The following GALNT13 variants were observed in gnomAD, a reference collection of about 807,000 sequenced individuals.
GALNT13 encodes polypeptide N-acetylgalactosaminyltransferase 13, also known as UDP-GalNAc:polypeptide N-acetylgalactosaminyltransferase 13.
In GALNT13, 28 loss-of-function variants were observed where a neutral mutation model predicts 64.2. The observed-to-expected ratio is 0.44, with a 90% CI of 0.32 to 0.60. The LOEUF (loss-of-function observed/expected upper bound fraction) is 0.60, where lower values mean the gene tolerates loss of function less well. Among genes scored for constraint, GALNT13 ranks in the 20% least tolerant of loss-of-function variants. The pLI is 0.05. For synonymous variants in GALNT13, 214 were observed against 224.6 expected (o/e 0.95, Z 0.42); for missense variants, 577 against 669.8 (o/e 0.86, Z 1.53).
intron 3 of GALNT13, among the ~76,000 whole-genome samples, chr2:154,098,859 A>C (rs943579447): frequency 6.6e-6 from 1 of 152,082 alleles, no homozygotes; most frequent in Middle Eastern, 3.4e-3. Context: ...TGGTGTTGTG[A>C]GTAGCGCTGT....
At chr2:153,314,441 G>C in the GALNT13 span, among the ~76,000 whole-genome samples, 14 of 152,052 alleles carry the variant, frequency 9.2e-5, no homozygotes, top group African/African-American at 3.4e-4. Context: ...AGACCAAAAA[G>C]ACACCTATAG....
chr2:153,897,633 G>T (rs56937332), intron 1 of GALNT13, among the ~76,000 whole-genome samples: 15,602 of 151,958 alleles, frequency 0.1, 1,900 homozygotes, highest in East Asian at 0.62. Flanking sequence ...ACTTTCATGC[G>T]CTGGTGCTGA....
intron 9 of GALNT13, among the ~76,000 whole-genome samples, chr2:154,331,275 A>G (rs1335832891): frequency 6.6e-6 from 1 of 152,090 alleles, no homozygotes; most frequent in Non-Finnish European, 1.5e-5. Flanking sequence ...AAATCTATTC[A>G]GTAACTACAT....
the GALNT13 span, among the ~76,000 whole-genome samples, chr2:153,669,778 G>A: frequency 8.5e-5 from 13 of 152,298 alleles, no homozygotes; most frequent in African/African-American, 2.6e-4. Flanking sequence ...AAGGGAAGCC[G>A]TGAGTGACCG....
chr2:153,647,489 T>G, the GALNT13 span, among the ~76,000 whole-genome samples: 4 of 152,228 alleles, frequency 2.6e-5, no homozygotes, highest in Admixed American at 6.5e-5. Flanking sequence ...ATTTGTCAAT[T>G]TTGGCTTATG....
chr2:153,226,714 A>G, the GALNT13 span, among the ~76,000 whole-genome samples: 1 of 152,246 alleles, frequency 6.6e-6, no homozygotes, highest in Admixed American at 6.5e-5. Context: ...CTAAAGAGGC[A>G]TGATGACTAA....
At chr2:154,379,196 T>A (rs1698146960) in intron 9 of GALNT13, among the ~76,000 whole-genome samples, 1 of 152,098 alleles carries the variant, frequency 6.6e-6, no homozygotes, top group Non-Finnish European at 1.5e-5. Flanking sequence ...TGGTTAAAAA[T>A]TTTGTATTTT....
chr2:153,589,536 T>C, the GALNT13 span, among the ~76,000 whole-genome samples: 1 of 152,230 alleles, frequency 6.6e-6, no homozygotes, highest in Non-Finnish European at 1.5e-5. Flanking sequence ...ATTTACTTTA[T>C]TAGTCTGTTC....
chr2:154,399,483 T>C (rs1559134537), intron 10 of GALNT13, among the ~76,000 whole-genome samples: 1 of 152,082 alleles, frequency 6.6e-6, no homozygotes. Flanking sequence ...TGATATATCC[T>C]CACATGGACA....
chr2:153,297,578 G>T, the GALNT13 span, among the ~76,000 whole-genome samples: 2 of 152,172 alleles, frequency 1.3e-5, no homozygotes, highest in Admixed American at 1.3e-4. Context: ...CATTATATTT[G>T]TCTCTGAAAT....
At chr2:153,643,916 T>G in the GALNT13 span, among the ~76,000 whole-genome samples, 8 of 152,084 alleles carry the variant, frequency 5.3e-5, no homozygotes, top group Admixed American at 1.3e-4. Flanking sequence ...CAATGGAAAT[T>G]TTCTCAACTT....
At chr2:153,989,954 A>T (rs548045063) in intron 3 of GALNT13, among the ~76,000 whole-genome samples, 3 of 152,108 alleles carry the variant, frequency 2.0e-5, no homozygotes, top group Admixed American at 6.6e-5. Flanking sequence ...AACAAAACAA[A>T]AAAGGATCAA....
At chr2:153,630,783 A>T in the GALNT13 span, among the ~76,000 whole-genome samples, 24 of 9,484 alleles carry the variant, frequency 2.5e-3, no homozygotes, top group East Asian at 0.045. Context: ...ATATATATAT[A>T]TATATATATA....
chr2:153,327,751 C>T, the GALNT13 span, among the ~76,000 whole-genome samples: 2 of 152,074 alleles, frequency 1.3e-5, no homozygotes, highest in East Asian at 3.9e-4. Flanking sequence ...GTTCCTTTAG[C>T]TCGGAGGAGT....
At position 154,437,724 on chromosome 2, in the gene GALNT13, G is replaced by A. The variant is rs140353022; in HGVS notation, c.1396-868G>A. On this transcript the variant is annotated intron_variant, in intron 11 of 12. Coordinates refer to ENST00000392825, the MANE Select transcript of GALNT13 (RefSeq NM_052917.4). Reference sequence around the variant, plus strand: ...CAAAACATTAGGCCGGCATGGTGGCGCATGCCTGTAGTCCCAGCCACTCGG... The same window carrying A: ...CAAAACATTAGGCCGGCATGGTGGCACATGCCTGTAGTCCCAGCCACTCGG... 666 of 412,038 alleles carry A rather than the reference G, an allele frequency of 1.6e-3. 9 individuals are homozygous for A. The highest frequency in any genetic ancestry group is 0.012 in the African/African-American group (597 of 48,386). The allele number at this position is 412,038 out of a possible 1,614,324, so 25.5% of individuals were successfully genotyped here. A position where few individuals can be genotyped will look rare whatever the true frequency, so the allele number is the denominator to read the frequency against.
chr2:154,356,130 C>T (rs962488996), intron 9 of GALNT13, among the ~76,000 whole-genome samples: 1 of 151,976 alleles, frequency 6.6e-6, no homozygotes, highest in African/African-American at 2.4e-5. Flanking sequence ...TCAGAAGTGG[C>T]TTAAAATCTG....
At chr2:154,370,165 T>C (rs707040) in intron 9 of GALNT13, among the ~76,000 whole-genome samples, 61,862 of 151,808 alleles carry the variant, frequency 0.41, 12,853 homozygotes, top group African/African-American at 0.49. Context: ...GTCAGTCTCA[T>C]TGAAGATAAT....
the GALNT13 span, among the ~76,000 whole-genome samples, chr2:153,082,333 A>C: frequency 1.3e-5 from 2 of 151,586 alleles, no homozygotes; most frequent in Non-Finnish European, 2.9e-5. Flanking sequence ...CCAAATCCCC[A>C]AAGTCTATTA....
intron 3 of GALNT13, among the ~76,000 whole-genome samples, chr2:154,033,295 C>T (rs996255548): frequency 1.3e-5 from 2 of 151,642 alleles, no homozygotes; most frequent in African/African-American, 2.4e-5. Flanking sequence ...AGTCATCATC[C>T]ATAAAAGAAA....
Sources: gnomAD v4.1 joint callset for allele counts (sites outside exome capture counted in the v4.1 genomes callset) on GRCh38, gnomAD v4.1.1 for gene constraint, MANE v1.5 for transcripts, NCBI Gene and HGNC (gene_info 2026-07-23, HGNC 2026-07-21) for gene names.